Variants in RASGRF1 observed in about 807,000 individuals in gnomAD.
The protein encoded by RASGRF1 is Ras protein specific guanine nucleotide releasing factor 1, also known as ras-specific guanine nucleotide-releasing factor 1.
RASGRF1 carries 40 observed loss-of-function variants against 138.7 expected under a neutral mutation model. The observed-to-expected ratio is 0.29, with a 90% CI of 0.22 to 0.38. The LOEUF is 0.38. Among genes scored for constraint, RASGRF1 ranks in the 10% least tolerant of loss-of-function variants. The pLI, the probability that RASGRF1 is intolerant of heterozygous loss-of-function variation, is 1.00. For synonymous variants in RASGRF1, 614 were observed against 663.2 expected (o/e 0.93, Z 1.14); for missense variants, 1,108 against 1,650.4 (o/e 0.67, Z 5.69).
chr15:78,977,666 T>C (rs962509269), intron 24 of RASGRF1, among the ~76,000 whole-genome samples: 6 of 152,192 alleles, frequency 3.9e-5, no homozygotes, highest in Non-Finnish European at 5.9e-5. Context: ...CGCTCCTCCA[T>C]GGCTGTTCCC....
chr15:78,973,338 C>T lies in RASGRF1; in HGVS notation c.3577G>A (p.Glu1193Lys). ...TTGGAGAAGTTGACCAGGCCGTCTT[C>T]CGTGTAATTGGGCGTCCCCTCCTCG... is the stretch of plus-strand genomic sequence containing the variant. Reference protein sequence around the residue: ...FIEEGTPNYTEDGLVNFSKMR... With the variant: ...FIEEGTPNYTKDGLVNFSKMR... The change falls in exon 25 of 27, where the codon GAA (glutamate) becomes AAA (lysine). Residue 1193 changes from glutamate (E) to lysine (K), a missense_variant. Glu to Lys is a moderately conservative substitution (Grantham distance 56). This residue lies in a region of RASGRF1 where 686 missense variants were observed against 976.7 expected (regional missense o/e 0.70). Coordinates refer to ENST00000558480, the MANE Select transcript of RASGRF1 (RefSeq NM_001145648.3). This position sits in a 1 kb window ranked among gnomAD's most constrained non-coding sequence, Gnocchi z 4.9. 1 of 1,613,756 alleles carries T rather than the reference C, an allele frequency of 6.2e-7. No homozygotes were observed. Among genetic ancestry groups the T allele is most frequent in the South Asian group, 1.1e-5 (1 of 91,058 alleles).
chr15:79,054,895 C>T (rs74607188), intron 3 of RASGRF1, among the ~76,000 whole-genome samples: 2,211 of 152,260 alleles, frequency 0.015, 49 homozygotes, highest in African/African-American at 0.051. Context: ...AAGAGGTGGC[C>T]AGGGAAACCC....
intron 23 of RASGRF1, 113 bp downstream of exon 23, chr15:78,984,894 C>G: frequency 2.5e-6 from 3 of 1,196,160 alleles, no homozygotes; most frequent in Non-Finnish European, 3.6e-6. Flanking sequence ...AGTGTTAGAC[C>G]TCAGCCCAGT....
intron 10 of RASGRF1, among the ~76,000 whole-genome samples, chr15:79,021,227 A>G (rs181798584): frequency 5.6e-4 from 85 of 152,362 alleles, no homozygotes; most frequent in Middle Eastern, 3.4e-3. Flanking sequence ...GTTTTAAGCT[A>G]CTACATTTGG....
At position 79,046,961 on chromosome 15, in the gene RASGRF1, C is replaced by T; in HGVS notation, c.663G>A (p.Lys221=). The change falls in exon 5 of 27, where the codon AAG becomes AAA. Residue 221 remains lysine (K), a synonymous_variant. Coordinates refer to ENST00000558480, the MANE Select transcript of RASGRF1 (RefSeq NM_001145648.3). The surrounding 1 kb of genome is among the most constrained non-coding windows in gnomAD (Gnocchi z 5.3). ...TGTAGTCCTGGATGATGGTCTTCCA[C>T]TTCCGCCGGCACAGCCAGCCCCGCA... is the stretch of plus-strand genomic sequence containing the variant. ...SFLRGWLCRR[K]WKTIIQDYIR... 6.2e-7 allele frequency: 1 copy of T among 1,613,718 alleles called. No homozygotes were observed. Among genetic ancestry groups the T allele is most frequent in the South Asian group, 1.1e-5 (1 of 91,080 alleles).
rs568415818 is a variant in RASGRF1 at position 78,978,681 on chromosome 15, C to T, written c.3494+1939G>A. ...ACCTCGCTACTCTTGCCCCCGTCCC[C>T]TGCCTAGTGAAACAGACGCTCAGTA... On this transcript the variant is annotated intron_variant, in intron 24 of 26. Coordinates refer to ENST00000558480, the MANE Select transcript of RASGRF1 (RefSeq NM_001145648.3). 6.2e-5 allele frequency: 63 copies of T among 1,024,278 alleles called. No homozygotes were observed. The African/African-American group carries it at 1.0e-3, about 16-fold the overall frequency. The allele number at this position is 1,024,278 out of a possible 1,614,324, so 63.4% of individuals were successfully genotyped here. A position where few individuals can be genotyped will look rare whatever the true frequency, so the allele number is the denominator to read the frequency against.
intron 6 of RASGRF1, among the ~76,000 whole-genome samples, chr15:79,034,180 C>T (rs868170766): frequency 2.0e-5 from 3 of 152,228 alleles, no homozygotes; most frequent in Admixed American, 1.3e-4. Context: ...GCTCTGTGCC[C>T]TCCACCTATG....
At chr15:79,068,608 G>GTA (rs1446239689) in intron 1 of RASGRF1, among the ~76,000 whole-genome samples, 3 of 145,648 alleles carry the variant, frequency 2.1e-5, no homozygotes, top group East Asian at 2.1e-4. Context: ...ATATATATGT[G>GTA]TATATATACA....
At chr15:78,966,667 C>G (rs8039661) in intron 26 of RASGRF1, among the ~76,000 whole-genome samples, 2 of 151,840 alleles carry the variant, frequency 1.3e-5, no homozygotes, top group Non-Finnish European at 2.9e-5. Flanking sequence ...TAGCATTAAA[C>G]GGTTCATAAT....
At chr15:79,063,032 C>A (rs747532094) in intron 2 of RASGRF1, among the ~76,000 whole-genome samples, 7 of 152,156 alleles carry the variant, frequency 4.6e-5, no homozygotes, top group Non-Finnish European at 8.8e-5. Context: ...TTACTCAGGC[C>A]AAATCTTACC....
chr15:79,080,014 G>A (rs568584315), intron 1 of RASGRF1, among the ~76,000 whole-genome samples: 7 of 152,198 alleles, frequency 4.6e-5, no homozygotes, highest in African/African-American at 1.4e-4. Flanking sequence ...CTATACTGGC[G>A]GTGCCTCTGC....
intron 4 of RASGRF1, 96 bp downstream of exon 4, chr15:79,049,400 G>T: frequency 8.5e-7 from 1 of 1,170,530 alleles, no homozygotes; most frequent in Non-Finnish European, 1.3e-6. Context: ...GGCACGCTCT[G>T]AGGACAGTGG....
intron 5 of RASGRF1, among the ~76,000 whole-genome samples, chr15:79,043,546 A>G (rs2141019973): frequency 6.6e-6 from 1 of 152,316 alleles, no homozygotes; most frequent in South Asian, 2.1e-4. Context: ...TCTAGAGTCC[A>G]TATTCTAGAG....
Position 79,001,637 on chromosome 15 carries a change from G to A in RASGRF1, c.2575+25C>T, listed in dbSNP as rs149865774. 850 of 1,611,300 alleles carry A rather than the reference G, an allele frequency of 5.3e-4. 2 individuals carry two copies. The highest frequency in any genetic ancestry group is 1.3e-3 in the Middle Eastern group (8 of 6,052). On this transcript the variant is annotated intron_variant, in intron 16 of 26. Coordinates refer to ENST00000558480, the MANE Select transcript of RASGRF1 (RefSeq NM_001145648.3). ...CCTCTCCCAAACTGGAAATCTATTT[G>A]TGGTTTTGAATTGGTGCATTGTACC...
At chr15:78,963,379 G>A (rs1200722410) in intron 26 of RASGRF1, among the ~76,000 whole-genome samples, 1 of 151,676 alleles carries the variant, frequency 6.6e-6, no homozygotes, top group Non-Finnish European at 1.5e-5. Context: ...TGGGCTCACT[G>A]CAACCTCTGC....
At chr15:79,082,473 A>G (rs2057926766) in intron 1 of RASGRF1, among the ~76,000 whole-genome samples, 1 of 152,244 alleles carries the variant, frequency 6.6e-6, no homozygotes, top group Admixed American at 6.5e-5. Context: ...TGCATGGGAC[A>G]TAAAGCACAA....
At chr15:79,084,664 G>C (rs1208057198) in intron 1 of RASGRF1, among the ~76,000 whole-genome samples, 1 of 152,226 alleles carries the variant, frequency 6.6e-6, no homozygotes, top group Non-Finnish European at 1.5e-5. Flanking sequence ...TACCATACTA[G>C]AGGGTGGGGG....
intron 10 of RASGRF1, among the ~76,000 whole-genome samples, chr15:79,020,705 G>A (rs1008662004): frequency 5.3e-5 from 8 of 152,234 alleles, no homozygotes; most frequent in African/African-American, 1.9e-4. Context: ...TCCCATCCAT[G>A]AGTGTGGGAG....
intron 14 of RASGRF1, 80 bp from the exon 15 acceptor site, chr15:79,004,255 G>T (rs1425305715): frequency 6.8e-7 from 1 of 1,463,524 alleles, no homozygotes. Context: ...TCTCCGGTGG[G>T]GCTCGGAGTG....
Sources: gnomAD v4.1 joint callset for allele counts (sites outside exome capture counted in the v4.1 genomes callset) on GRCh38, gnomAD v4.1.1 for gene constraint, gnomAD v4.1.1 regional missense constraint, Gnocchi (gnomAD v3.1) non-coding constraint, MANE v1.5 for transcripts, NCBI Gene and HGNC (gene_info 2026-07-23, HGNC 2026-07-21) for gene names.